Variants in PLB1 observed in about 807,000 individuals in gnomAD.
PLB1 encodes phospholipase B1, also known as phospholipase B1, membrane-associated.
Under a neutral mutation model 227.4 loss-of-function variants are expected in PLB1, and 242 were observed. That is an observed-to-expected ratio of 1.06 (90% CI 0.96 to 1.18). PLB1 has a LOEUF of 1.18. PLB1 is among the 50% of genes most tolerant of loss of function. PLB1 has a pLI of 0.00. For synonymous variants in PLB1, 757 were observed against 682.2 expected (o/e 1.11, Z -1.71); for missense variants, 1,858 against 1,816.3 (o/e 1.02, Z -0.42).
Position 28,626,304 on chromosome 2 carries a change from T to C in PLB1, c.3580-124T>C, listed in dbSNP as rs889979632. 9 of 737,398 alleles carry C rather than the reference T, an allele frequency of 1.2e-5. No individual in the cohort carries two copies. In the African/African-American group the frequency reaches 1.2e-4, roughly 10 times the overall value. The allele number at this position is 737,398 out of a possible 1,614,324, so 45.7% of individuals were successfully genotyped here. ...AGCCACCGTGCCTGGCCCAATTTGC[T>C]GCTTTTCTCTGTTACAGTATAAATA... On this transcript the variant is annotated intron_variant, in intron 50 of 57. Coordinates refer to ENST00000327757, the MANE Select transcript of PLB1 (RefSeq NM_153021.5).
At chr2:28,638,695 A>G (rs891951268) in intron 56 of PLB1, among the ~76,000 whole-genome samples, 5 of 151,444 alleles carry the variant, frequency 3.3e-5, no homozygotes, top group African/African-American at 1.2e-4. Flanking sequence ...AGGTAGAGAA[A>G]AAATCAGCGT....
At chr2:28,593,499 T>C (rs867051905) in intron 32 of PLB1, among the ~76,000 whole-genome samples, 182 bp from the exon 33 acceptor site, 1 of 152,060 alleles carries the variant, frequency 6.6e-6, no homozygotes, top group African/African-American at 2.4e-5. Flanking sequence ...CAGCTAAGAG[T>C]TGGGGAAGGC....
chr2:28,515,491 A>G (rs776254555), intron 1 of PLB1, among the ~76,000 whole-genome samples: 2 of 152,148 alleles, frequency 1.3e-5, no homozygotes, highest in Non-Finnish European at 2.9e-5. Context: ...GGGAATTTCA[A>G]AGGAATCGCT....
At chr2:28,601,841 C>A (rs1683954854) in intron 37 of PLB1, 58 bp from the exon 38 acceptor site, 1 of 1,412,508 alleles carries the variant, frequency 7.1e-7, no homozygotes, top group Non-Finnish European at 1.0e-6. Context: ...TGAGAACTGC[C>A]CCACTGCCCT....
chr2:28,636,043 A>ATGTATGTGTGTGTG (rs1553467829), intron 56 of PLB1, among the ~76,000 whole-genome samples: 9 of 145,838 alleles, frequency 6.2e-5, no homozygotes, highest in Non-Finnish European at 1.0e-4. Context: ...GTGTGTGTGT[A>ATGTATGTGTGTGTG]TGTATGTGTA....
At chr2:28,593,930 AT>A in intron 33 of PLB1, 176 bp downstream of exon 33, 1 of 721,928 alleles carries the variant, frequency 1.4e-6, no homozygotes, top group Non-Finnish European at 2.6e-6. Flanking sequence ...TGGAGAGGAT[AT>A]TTTACTGTTG....
intron 32 of PLB1, among the ~76,000 whole-genome samples, chr2:28,592,974 A>G (rs898680846): frequency 6.6e-6 from 1 of 152,150 alleles, no homozygotes. Context: ...ACACTTTTTT[A>G]ATATATGTAA....
chr2:28,628,719 C>A, intron 52 of PLB1, 91 bp downstream of exon 52: 1 of 1,247,234 alleles, frequency 8.0e-7, no homozygotes, highest in Non-Finnish European at 1.2e-6. Flanking sequence ...GCTCACGGAG[C>A]AGAGACCCGC....
In PLB1 at chr2:28,534,166, A is replaced by G. The variant is rs13410638; in HGVS notation, c.555+1972A>G. Among the ~76,000 whole-genome samples the G allele has an allele frequency of 7.8e-3, 1,181 of 152,170 alleles. 9 individuals are homozygous for G. Among genetic ancestry groups the G allele is most frequent in the African/African-American group, 0.027 (1,106 of 41,506 alleles). On this transcript the variant is annotated intron_variant, in intron 9 of 57. Coordinates refer to ENST00000327757, the MANE Select transcript of PLB1 (RefSeq NM_153021.5). ...ATGTTGACATATATGGAATGAGTTT[A>G]TTTCTCTTCCATGAGTATTTTGCTG...
intron 25 of PLB1, among the ~76,000 whole-genome samples, chr2:28,582,942 C>T (rs1041811320): frequency 6.6e-6 from 1 of 152,106 alleles, no homozygotes; most frequent in East Asian, 1.9e-4. Context: ...ATGGGTGTTC[C>T]ATGTAAAGCA....
Position 28,600,756 on chromosome 2 carries a change from A to C in PLB1, c.2475-53A>C, listed in dbSNP as rs1683742380. The C allele has an allele frequency of 1.9e-6, 3 of 1,579,622 alleles. No individual in the cohort carries two copies. In the East Asian group the frequency reaches 6.7e-5, roughly 35 times the overall value. On this transcript the variant is annotated intron_variant, in intron 35 of 57. Transcript: ENST00000327757. ...CCTCTGGTTCAGGCCCTCTAGGAGG[A>C]AAACTATGGGCACTGTTCCTCAACA...
At position 28,642,844 on chromosome 2, in the gene PLB1, C is replaced by T; in HGVS notation, c.4174-14C>T. 1.3e-6 allele frequency: 2 copies of T among 1,572,576 alleles called. No individual in the cohort carries two copies. The highest frequency in any genetic ancestry group is 1.7e-6 in the Non-Finnish European group (2 of 1,155,116). On this transcript the variant is annotated splice_polypyrimidine_tract_variant and intron_variant, in intron 57 of 57. Transcript: ENST00000327757. ...CGGAGATCCTTTCCACTGACCCCCG[C>T]TCCTCCTCCACAGGAGAGCCCTTAC...
At chr2:28,603,554 CAT>C (rs1236514383) in intron 39 of PLB1, among the ~76,000 whole-genome samples, 3 of 152,196 alleles carry the variant, frequency 2.0e-5, no homozygotes, top group Non-Finnish European at 4.4e-5. Context: ...GTAGGGCACT[CAT>C]GTGAAAGAAG....
intron 9 of PLB1, among the ~76,000 whole-genome samples, chr2:28,537,817 T>C (rs1306204980): frequency 6.6e-6 from 1 of 152,062 alleles, no homozygotes; most frequent in Non-Finnish European, 1.5e-5. Flanking sequence ...ATACTCTTTC[T>C]CTAGGAATGC....
chr2:28,617,881 A>C, intron 45 of PLB1, 94 bp downstream of exon 45: 1 of 1,287,210 alleles, frequency 7.8e-7, no homozygotes, highest in Non-Finnish European at 1.1e-6. Context: ...AGCTTTAAGC[A>C]GGACTTGCTA....
intron 1 of PLB1, among the ~76,000 whole-genome samples, chr2:28,507,671 C>T (rs1667783295): frequency 6.6e-6 from 1 of 152,134 alleles, no homozygotes; most frequent in Non-Finnish European, 1.5e-5. Context: ...TGTCTGAGGC[C>T]AAGGGCAAAA....
chr2:28,619,110 A>T (rs1392853666), intron 46 of PLB1, among the ~76,000 whole-genome samples: 1 of 152,186 alleles, frequency 6.6e-6, no homozygotes, highest in African/African-American at 2.4e-5. Context: ...AACTTGTGGC[A>T]TGGGGTTTGT....
intron 21 of PLB1, among the ~76,000 whole-genome samples, chr2:28,574,799 A>G (rs1455411363): frequency 2.0e-5 from 3 of 152,220 alleles, no homozygotes; most frequent in African/African-American, 7.2e-5. Context: ...TACTTCACTT[A>G]GAATAATGGC....
intron 1 of PLB1, among the ~76,000 whole-genome samples, chr2:28,509,375 G>A (rs1392161349): frequency 6.6e-6 from 1 of 152,202 alleles, no homozygotes; most frequent in African/African-American, 2.4e-5. Flanking sequence ...AAACTCTGGT[G>A]CCCAGCATAC....
Sources: allele counts gnomAD v4.1 joint callset (sites outside exome capture counted in the v4.1 genomes callset), GRCh38; gene constraint gnomAD v4.1.1; transcripts MANE v1.5; gene names NCBI Gene and HGNC (gene_info 2026-07-23, HGNC 2026-07-21).